The following ZEB2 variants were observed in gnomAD, a reference collection of about 807,000 sequenced individuals.
ZEB2 encodes the protein zinc finger E-box binding homeobox 2.
A neutral mutation model predicts 99.9 loss-of-function variants in ZEB2; 6 were observed. The observed-to-expected ratio is 0.06, with a 90% confidence interval of 0.03 to 0.12. The LOEUF is 0.12. Among genes scored for constraint, ZEB2 ranks in the 10% least tolerant of loss-of-function variants. The pLI is 1.00. For synonymous variants in ZEB2, 517 were observed against 542.5 expected (o/e 0.95, Z 0.65); for missense variants, 969 against 1,502.8 (o/e 0.64, Z 5.87).
chr2:144,469,575 G>A (rs1165701933), intron 2 of ZEB2, among the ~76,000 whole-genome samples: 3 of 152,060 alleles, frequency 2.0e-5, no homozygotes, highest in Non-Finnish European at 2.9e-5. Flanking sequence ...AGAGACAAAG[G>A]CAGAGCAGTA....
At chr2:144,445,570 G>T (rs1703972460) in intron 2 of ZEB2, among the ~76,000 whole-genome samples, 1 of 152,032 alleles carries the variant, frequency 6.6e-6, no homozygotes, top group Non-Finnish European at 1.5e-5. Flanking sequence ...TCTCACAGAA[G>T]ATGCTTAGGT....
Position 144,447,205 on chromosome 2 carries a change from C to G in ZEB2, c.74-17179G>C, listed in dbSNP as rs116274737. 3.0e-3 allele frequency among the ~76,000 whole-genome samples: 462 copies of G among 152,160 alleles called. 1 individual carries two copies. Among genetic ancestry groups the G allele is most frequent in the African/African-American group, 0.011 (440 of 41,498 alleles). ...TTTCTCTGGCTGCTAAGTACTTGGT[C>G]GGTAATAGCCTTTACTGTATAAATA... On this transcript the variant is annotated intron_variant, in intron 2 of 9. Coordinates refer to ENST00000627532, the MANE Select transcript of ZEB2 (RefSeq NM_014795.4).
At chr2:144,485,328 T>C (rs770512018) in intron 2 of ZEB2, among the ~76,000 whole-genome samples, 2 of 152,186 alleles carry the variant, frequency 1.3e-5, no homozygotes, top group Non-Finnish European at 2.9e-5. Context: ...AAAGGATGTA[T>C]AGGTAAATGC....
At chr2:144,434,371 GA>G in intron 2 of ZEB2, among the ~76,000 whole-genome samples, 1 of 152,230 alleles carries the variant, frequency 6.6e-6, no homozygotes, top group Non-Finnish European at 1.5e-5. Context: ...TTTATTTGGA[GA>G]AATATAATCA....
intron 2 of ZEB2, chr2:144,513,855 C>T (rs1183899712): frequency 1.3e-6 from 2 of 1,532,726 alleles, no homozygotes; most frequent in African/African-American, 1.4e-5. Flanking sequence ...TGGGTTTTCC[C>T]CCTCCTCTCC....
chr2:144,411,121 T>TACACACAC (rs10666828), intron 4 of ZEB2, among the ~76,000 whole-genome samples: 3 of 106,678 alleles, frequency 2.8e-5, no homozygotes. Flanking sequence ...GCATCTCATA[T>TACACACAC]ATACACACAC....
chr2:144,393,601 G>C (rs1055786398), intron 9 of ZEB2, among the ~76,000 whole-genome samples: 1 of 152,162 alleles, frequency 6.6e-6, no homozygotes, highest in East Asian at 1.9e-4. Flanking sequence ...TATCCCACAG[G>C]TTCAATTGGG....
In ZEB2 at chr2:144,457,012, C is replaced by G. The variant is rs147743566; in HGVS notation, c.74-26986G>C. ...CTGTCCTGGCCAGAGCAGCACCCCC[C>G]AAAGGTCTGCATGTACCTCTGGCAA... On this transcript the variant is annotated intron_variant, in intron 2 of 9. Coordinates refer to ENST00000627532, the MANE Select transcript of ZEB2 (RefSeq NM_014795.4). Among the ~76,000 whole-genome samples, 22 of 152,216 alleles carry G rather than the reference C, an allele frequency of 1.4e-4. No individual in the cohort carries two copies. In the East Asian group the frequency reaches 3.9e-3, roughly 27 times the overall value.
At chr2:144,507,494 T>C (rs1451182274) in intron 2 of ZEB2, 1 of 152,220 alleles carries the variant, frequency 6.6e-6, no homozygotes, top group Non-Finnish European at 1.5e-5. Flanking sequence ...TCATGAATCA[T>C]TATGATGATT....
intron 2 of ZEB2, among the ~76,000 whole-genome samples, chr2:144,466,450 C>T (rs888043578): frequency 1.3e-5 from 2 of 152,140 alleles, no homozygotes; most frequent in Non-Finnish European, 1.5e-5. Flanking sequence ...TACTCAACAA[C>T]ATATAGGGAA....
At chr2:144,415,712 T>C (rs1271531389) in intron 4 of ZEB2, among the ~76,000 whole-genome samples, 1 of 152,244 alleles carries the variant, frequency 6.6e-6, no homozygotes, top group Non-Finnish European at 1.5e-5. Context: ...ATTTATTCAT[T>C]AATTCAACAA....
In ZEB2 at chr2:144,520,030, GA is replaced by G. The variant is rs1328987744; in HGVS notation, c.-162del. The G allele has an allele frequency of 1.3e-5, 6 of 454,390 alleles. No homozygotes were observed. The highest frequency in any genetic ancestry group is 2.2e-5 in the Non-Finnish European group (5 of 226,786). The allele number at this position is 454,390 out of a possible 1,614,324, so 28.1% of individuals were successfully genotyped here. A position where few individuals can be genotyped will look rare whatever the true frequency, so the allele number is the denominator to read the frequency against. ...GTGTGGGGGAGAAAAAGGTGGAAGC[GA>G]AGAAACAGCTCCCGGAGCAAACTGT... On this transcript the variant is annotated 5_prime_UTR_variant, in exon 1 of 10. Transcript: ENST00000627532.
intron 4 of ZEB2, 147 bp from the exon 5 acceptor site, chr2:144,405,171 T>A: frequency 1.2e-6 from 1 of 847,242 alleles, no homozygotes; most frequent in South Asian, 1.5e-5. Context: ...AGATGACCGA[T>A]TATTGACTGA....
At chr2:144,466,679 A>T (rs575091919) in intron 2 of ZEB2, among the ~76,000 whole-genome samples, 1 of 152,326 alleles carries the variant, frequency 6.6e-6, no homozygotes, top group South Asian at 2.1e-4. Flanking sequence ...AATGTACAGG[A>T]CTATTATACC....
Position 144,517,192 on chromosome 2 carries a change from C to G in ZEB2, c.73+86G>C. On this transcript the variant is annotated intron_variant, in intron 2 of 9. Coordinates refer to ENST00000627532, the MANE Select transcript of ZEB2 (RefSeq NM_014795.4). ...CTGGGCGCCGCCGCCGCCGCCGCCT[C>G]GGTTCCTTTTCCCTTTCCCCCTCCT... 6 of 1,577,358 alleles carry G rather than the reference C, an allele frequency of 3.8e-6. No homozygotes were observed. In the Admixed American group the frequency reaches 8.4e-5, roughly 22 times the overall value.
At chr2:144,511,320 CT>C in intron 2 of ZEB2, 1 of 1,042,314 alleles carries the variant, frequency 9.6e-7, no homozygotes, top group Non-Finnish European at 1.2e-6. Context: ...TTCTTCTTAC[CT>C]CCTCAGAGGA....
rs1451961075 is a variant in ZEB2 at position 144,404,084 on chromosome 2, G to A, written c.639C>T (p.Cys213=). The A allele has an allele frequency of 5.6e-6, 9 of 1,614,136 alleles. No homozygotes were observed. The highest frequency in any genetic ancestry group is 7.6e-6 in the Non-Finnish European group (9 of 1,180,038). The change falls in exon 6 of 10, where the codon TGC becomes TGT. Residue 213 remains cysteine (C), a synonymous_variant. Transcript: ENST00000627532. ...TPDAFAQLLT[C]PYCDRGYKRL... is the part of the protein sequence containing the mutation. Reference sequence around the variant, plus strand: ...GCTTGTAGCCCCGGTCGCAGTAGGGGCAGGTCAGCAGTTGGGCAAAAGCAT... The same window carrying A: ...GCTTGTAGCCCCGGTCGCAGTAGGGACAGGTCAGCAGTTGGGCAAAAGCAT...
chr2:144,394,512 T>C (rs1485653888), intron 9 of ZEB2: 1 of 152,146 alleles, frequency 6.6e-6, no homozygotes, highest in Non-Finnish European at 1.5e-5. Context: ...ATATTTAAGG[T>C]TGATTAAAAT....
rs374191548 is a variant in ZEB2 at position 144,506,657 on chromosome 2, A to G, written c.73+10621T>C. 2.2e-4 allele frequency among the ~76,000 whole-genome samples: 33 copies of G among 152,352 alleles called. 2 individuals carry two copies. The South Asian group carries it at 6.8e-3, about 32-fold the overall frequency. On this transcript the variant is annotated intron_variant, in intron 2 of 9. Coordinates refer to ENST00000627532, the MANE Select transcript of ZEB2 (RefSeq NM_014795.4). ...ATTGAAAGCAATATATTACATTTAT[A>G]GATCACTTGGGCACTGAATTCCTTG...
Sources: gnomAD v4.1 joint callset for allele counts (sites outside exome capture counted in the v4.1 genomes callset) on GRCh38, gnomAD v4.1.1 for gene constraint, MANE v1.5 for transcripts, NCBI Gene and HGNC (gene_info 2026-07-23, HGNC 2026-07-21) for gene names.